The following RPGRIP1 variants were observed in gnomAD, a reference collection of about 807,000 sequenced individuals.
RPGRIP1 encodes X-linked retinitis pigmentosa GTPase regulator-interacting protein 1.
In RPGRIP1, 128 loss-of-function variants were observed where a neutral mutation model predicts 157.9. The observed-to-expected ratio is 0.81, with a 90% CI of 0.70 to 0.94. RPGRIP1 has a LOEUF of 0.94. RPGRIP1 is among the 40% of genes least tolerant of loss of function. The pLI is 0.00. For missense variants in RPGRIP1, 1,486 were observed against 1,545.8 expected (o/e 0.96, Z 0.65); for synonymous variants, 554 against 571.6 (o/e 0.97, Z 0.44).
intron 3 of RPGRIP1, 58 bp downstream of exon 3, chr14:21,294,867 C>G: frequency 1.2e-6 from 1 of 813,048 alleles, no homozygotes; most frequent in South Asian, 2.0e-5. Context: ...TTTTTTGAGA[C>G]GGAGCCTTGC....
intron 14 of RPGRIP1, 69 bp from the exon 15 acceptor site, chr14:21,324,549 C>T: frequency 7.8e-7 from 1 of 1,280,876 alleles, no homozygotes; most frequent in Non-Finnish European, 1.1e-6. Context: ...TTTCTTTTGT[C>T]CACCCTCCTC....
intron 23 of RPGRIP1, 38 bp from the exon 24 acceptor site, chr14:21,348,134 G>C: frequency 6.8e-7 from 1 of 1,480,814 alleles, no homozygotes. Flanking sequence ...AGCATTAAGA[G>C]TATCAACAGT....
At chr14:21,338,432 C>G (rs193194813) in intron 21 of RPGRIP1, among the ~76,000 whole-genome samples, 36 of 152,290 alleles carry the variant, frequency 2.4e-4, no homozygotes, top group Admixed American at 2.0e-3. Flanking sequence ...GGTGGCACAT[C>G]TGAGCTAATA....
intron 6 of RPGRIP1, among the ~76,000 whole-genome samples, chr14:21,304,882 A>G (rs1881232422): frequency 6.6e-6 from 1 of 151,856 alleles, no homozygotes; most frequent in African/African-American, 2.4e-5. Flanking sequence ...GCTCACTGCA[A>G]GCTCTGCCTC....
At chr14:21,297,238 G>T (rs758282709) in intron 3 of RPGRIP1, among the ~76,000 whole-genome samples, 28 of 151,994 alleles carry the variant, frequency 1.8e-4, no homozygotes, top group Non-Finnish European at 3.2e-4. Flanking sequence ...GGGATTACAA[G>T]CATGTGCCAC....
intron 22 of RPGRIP1, among the ~76,000 whole-genome samples, chr14:21,344,253 T>A (rs1332035676): frequency 1.3e-5 from 2 of 152,172 alleles, no homozygotes; most frequent in Non-Finnish European, 2.9e-5. Flanking sequence ...TTTACACGTA[T>A]TTTTTGCAGC....
Position 21,301,123 on chromosome 14 carries a change from G to A in RPGRIP1, c.376G>A (p.Gly126Arg). The A allele has an allele frequency of 6.2e-7, 1 of 1,606,866 alleles. No individual in the cohort carries two copies. The highest frequency in any genetic ancestry group is 8.5e-7 in the Non-Finnish European group (1 of 1,176,614). The change falls in exon 4 of 25, where the codon GGG becomes AGG. Residue 126 changes from glycine (G) to arginine (R), a missense_variant. Gly to Arg is a moderately radical substitution (Grantham distance 125). Coordinates refer to ENST00000400017, the MANE Select transcript of RPGRIP1 (RefSeq NM_020366.4). ...HQRPQMHRLQ[G>R]HFHCVGPASP... is the part of the protein sequence containing the mutation. Reference sequence around the variant, plus strand: ...GCGCCCCCAGATGCACCGACTGCAAGGGCATTTCCACTGCGTCGGCCCTGC... The same window carrying A: ...GCGCCCCCAGATGCACCGACTGCAAAGGCATTTCCACTGCGTCGGCCCTGC...
At chr14:21,309,013 G>T (rs893709531) in intron 7 of RPGRIP1, among the ~76,000 whole-genome samples, 1 of 152,184 alleles carries the variant, frequency 6.6e-6, no homozygotes, top group Non-Finnish European at 1.5e-5. Flanking sequence ...GGCGGGAATC[G>T]CCATGTTTGG....
At chr14:21,290,403 G>C (rs1361964136) in intron 2 of RPGRIP1, among the ~76,000 whole-genome samples, 2 of 152,194 alleles carry the variant, frequency 1.3e-5, no homozygotes, top group Non-Finnish European at 2.9e-5. Context: ...GCTGGGCAAA[G>C]TGGTTCACGC....
At chr14:21,335,541 G>GA (rs1884259947) in intron 21 of RPGRIP1, among the ~76,000 whole-genome samples, 2 of 151,704 alleles carry the variant, frequency 1.3e-5, no homozygotes, top group Admixed American at 6.6e-5. Context: ...ATATAAAAAA[G>GA]AAAAAAAAGC....
intron 6 of RPGRIP1, among the ~76,000 whole-genome samples, chr14:21,304,415 GAAA>G (rs1264733219): frequency 1.9e-4 from 28 of 149,940 alleles, no homozygotes; most frequent in African/African-American, 6.4e-4. Context: ...AAGAAAGAAA[GAAA>G]GAAAGAAAGA....
intron 21 of RPGRIP1, among the ~76,000 whole-genome samples, chr14:21,340,332 C>A (rs1312455403): frequency 6.6e-6 from 1 of 152,156 alleles, no homozygotes; most frequent in East Asian, 1.9e-4. Context: ...TTATGCCAGG[C>A]ATTGTGCCAG....
rs1323075686 is a variant in RPGRIP1, at chr14:21,312,426, C to T, written c.1078-7C>T. The T allele has an allele frequency of 1.3e-6, 2 of 1,594,460 alleles. No homozygotes were observed. The highest frequency in any genetic ancestry group is 1.7e-5 in the Admixed American group (1 of 59,284). On this transcript the variant is annotated splice_region_variant and splice_polypyrimidine_tract_variant and intron_variant, in intron 9 of 24. Transcript: ENST00000400017. ...CATTTTATCTCAAGGGCTACTATCACTCTTAGTTTCAGGAGAGAGTTGAAG... is the reference window on the plus strand; with the variant it reads ...CATTTTATCTCAAGGGCTACTATCATTCTTAGTTTCAGGAGAGAGTTGAAG...
At chr14:21,301,296 A>T in intron 4 of RPGRIP1, 59 bp downstream of exon 4, 1 of 1,517,502 alleles carries the variant, frequency 6.6e-7, no homozygotes, top group Non-Finnish European at 8.9e-7. Context: ...CTGATGTGCC[A>T]GCCACGTTTT....
At chr14:21,317,914 T>C in intron 11 of RPGRIP1, 64 bp downstream of exon 11, 1 of 1,391,676 alleles carries the variant, frequency 7.2e-7, no homozygotes, top group African/African-American at 1.4e-5. Flanking sequence ...TGGGAGAAGA[T>C]AACTTGAGCC....
At position 21,312,432 on chromosome 14, in the gene RPGRIP1, G is replaced by A. The variant is rs773592041; in HGVS notation, c.1078-1G>A. ...ATCTCAAGGGCTACTATCACTCTTA[G>A]TTTCAGGAGAGAGTTGAAGATTTGG... On this transcript the variant is annotated splice_acceptor_variant, in intron 9 of 24. Coordinates refer to ENST00000400017, the MANE Select transcript of RPGRIP1 (RefSeq NM_020366.4). LOFTEE classifies it high-confidence loss of function. The A allele has an allele frequency of 1.2e-5, 19 of 1,601,690 alleles. No individual in the cohort carries two copies. Among genetic ancestry groups the A allele is most frequent in the Non-Finnish European group, 1.6e-5 (19 of 1,170,284 alleles).
chr14:21,314,931 G>A (rs1881706799), intron 10 of RPGRIP1, among the ~76,000 whole-genome samples: 1 of 151,960 alleles, frequency 6.6e-6, no homozygotes, highest in South Asian at 2.1e-4. Flanking sequence ...GCTGAGGCAG[G>A]GCGAATTGCT....
At chr14:21,322,031 A>G (rs374164474) in intron 14 of RPGRIP1, 27 bp downstream of exon 14, 1 of 1,595,890 alleles carries the variant, frequency 6.3e-7, no homozygotes, top group Non-Finnish European at 8.5e-7. Context: ...TGTTCTCCTC[A>G]CTTCGGGACC....
At chr14:21,293,451 TAGA>T (rs1880620260) in intron 2 of RPGRIP1, among the ~76,000 whole-genome samples, 1 of 151,736 alleles carries the variant, frequency 6.6e-6, no homozygotes, top group Non-Finnish European at 1.5e-5. Flanking sequence ...GAGAAAAAAA[TAGA>T]AGAATAGGCT....
Sources: gnomAD v4.1 joint callset for allele counts (sites outside exome capture counted in the v4.1 genomes callset) on GRCh38, gnomAD v4.1.1 for gene constraint, MANE v1.5 for transcripts, NCBI Gene and HGNC (gene_info 2026-07-23, HGNC 2026-07-21) for gene names.